Variants in VPS53 observed in about 807,000 individuals in gnomAD.
VPS53 encodes the protein vacuolar protein sorting-associated protein 53 homolog.
Under a neutral mutation model 107.0 loss-of-function variants are expected in VPS53, and 70 were observed. The observed-to-expected ratio is 0.65, with a 90% confidence interval of 0.54 to 0.80. The LOEUF (loss-of-function observed/expected upper bound fraction) is 0.80, where lower values mean the gene tolerates loss of function less well. VPS53 is among the 30% of genes least tolerant of loss of function. VPS53 has a pLI of 0.00. For synonymous variants in VPS53, 409 were observed against 393.3 expected (o/e 1.04, Z -0.47); for missense variants, 917 against 1,049.4 (o/e 0.87, Z 1.74).
At chr17:636,259 C>T (rs926317507) in intron 7 of VPS53, among the ~76,000 whole-genome samples, 6 of 152,136 alleles carry the variant, frequency 3.9e-5, no homozygotes, top group African/African-American at 1.4e-4. Flanking sequence ...TTTTTGCACA[C>T]TGATTTTGTC....
chr17:655,188 T>C (rs780058894), intron 6 of VPS53, among the ~76,000 whole-genome samples: 1 of 151,916 alleles, frequency 6.6e-6, no homozygotes, highest in Middle Eastern at 3.4e-3. Context: ...TGAGCTGGAG[T>C]GTCAGAATCT....
chr17:600,619 T>A (rs1968285064), intron 12 of VPS53, among the ~76,000 whole-genome samples: 1 of 152,238 alleles, frequency 6.6e-6, no homozygotes, highest in Admixed American at 6.5e-5. Flanking sequence ...ATTCCTGAGA[T>A]TCAGTTCTAT....
intron 8 of VPS53, among the ~76,000 whole-genome samples, chr17:629,500 G>A (rs1413115247): frequency 7.2e-5 from 11 of 152,156 alleles, no homozygotes; most frequent in Admixed American, 6.6e-4. Context: ...GCTCACGCCT[G>A]TAATCCCAGC....
rs768997239 is a variant in VPS53, at chr17:586,267, CACTT to C, written c.1312_1313+2del. The C allele has an allele frequency of 3.0e-5, 48 of 1,613,446 alleles. No homozygotes were observed. Among genetic ancestry groups the C allele is most frequent in the South Asian group, 1.5e-4 (14 of 91,068 alleles). ...CAGAAAACAGCGAATGTTCCTCACT[CACTT>C]GTCTTGGGATTCGATATACACGTAG... On this transcript the variant is annotated splice_donor_variant and coding_sequence_variant, in exon 13 of 22. Transcript: ENST00000437048. LOFTEE classifies it high-confidence loss of function.
chr17:603,760 C>G (rs1393641035), intron 11 of VPS53, among the ~76,000 whole-genome samples: 1 of 152,152 alleles, frequency 6.6e-6, no homozygotes, highest in African/African-American at 2.4e-5. Flanking sequence ...TAAAAATGTA[C>G]AGCTCTTGTT....
chr17:515,863 C>T lies in VPS53; in HGVS notation c.*3265G>A, dbSNP rs905731525. 1.3e-4 allele frequency: 19 copies of T among 151,284 alleles called. No individual in the cohort carries two copies. The highest frequency in any genetic ancestry group is 2.1e-4 in the Non-Finnish European group (14 of 67,872). The allele number at this position is 151,284 out of a possible 1,614,324, so 9.4% of individuals were successfully genotyped here. On this transcript the variant is annotated 3_prime_UTR_variant, in exon 22 of 22. Transcript: ENST00000437048. ...AGGCTGGAGTGCAGTGGCGGGACCT[C>T]GGCTCACTGCAACCTCCGCCTCCCG...
rs920339231 is a variant in VPS53, at chr17:521,571, T to C, written c.2223+30A>G. On this transcript the variant is annotated intron_variant, in intron 20 of 21. Transcript: ENST00000437048. ...TTCTCAGAAAAAGAGATTAAATAAATAACTGGCCCCTTTTAACACAAGCCA... is the reference window on the plus strand; with the variant it reads ...TTCTCAGAAAAAGAGATTAAATAAACAACTGGCCCCTTTTAACACAAGCCA... The C allele has an allele frequency of 6.6e-6, 10 of 1,507,998 alleles. No homozygotes were observed. The East Asian group carries it at 2.3e-4, about 34-fold the overall frequency. 93.4% of individuals were successfully genotyped at this position (1,507,998 alleles called of 1,614,324 possible). A position where few individuals can be genotyped will look rare whatever the true frequency, so the allele number is the denominator to read the frequency against.
At chr17:532,781 A>C (rs770771626) in intron 19 of VPS53, 61 bp downstream of exon 19, 9 of 1,601,840 alleles carry the variant, frequency 5.6e-6, no homozygotes, top group East Asian at 2.2e-5. Context: ...GACTAGAAGA[A>C]TATGTGCTTG....
chr17:671,903 G>A (rs12150419), intron 4 of VPS53, among the ~76,000 whole-genome samples: 8,930 of 151,962 alleles, frequency 0.059, 528 homozygotes, highest in East Asian at 0.3. Context: ...TGGCCAGGAC[G>A]GTCTCCATCT....
intron 13 of VPS53, among the ~76,000 whole-genome samples, chr17:584,554 C>T (rs935030685): frequency 2.0e-5 from 3 of 152,086 alleles, no homozygotes; most frequent in East Asian, 3.9e-4. Flanking sequence ...TCTTTTGAGA[C>T]GAAGTCTCTG....
Position 562,643 on chromosome 17 carries a change from G to C in VPS53, c.1416C>G (p.Ala472=), listed in dbSNP as rs148959558. The C allele has an allele frequency of 6.2e-7, 1 of 1,613,944 alleles. No individual in the cohort carries two copies. Among genetic ancestry groups the C allele is most frequent in the South Asian group, 1.1e-5 (1 of 91,066 alleles). The part of the protein sequence containing the change: ...DEGGAVLPSC[A]DLFVYYKKCM... ...ACTTCTTGTAGTAGACAAAGAGGTC[G>C]GCGCAGCTGGGGAGCACGGCACCCC... Residue 472 remains alanine, a synonymous_variant, in exon 14 of 22, where the codon GCC becomes GCG. Transcript: ENST00000437048.
intron 11 of VPS53, among the ~76,000 whole-genome samples, chr17:622,422 T>G (rs957164437): frequency 1.3e-5 from 2 of 151,860 alleles, no homozygotes; most frequent in African/African-American, 4.8e-5. Context: ...CTAAAGAAAA[T>G]TCAAAGGTAT....
In VPS53 at chr17:588,249, T is replaced by C. The variant is rs1227456181; in HGVS notation, c.1219-1885A>G. Among the ~76,000 whole-genome samples, 3 of 152,078 alleles carry C rather than the reference T, an allele frequency of 2.0e-5. No homozygotes were observed. The East Asian group carries it at 5.8e-4, about 29-fold the overall frequency. ...AGAAAAATTGCTTGAACCCAGGAGGTGGAGATGGCAGTGAGCCGAGATTGC... is the reference window on the plus strand; with the variant it reads ...AGAAAAATTGCTTGAACCCAGGAGGCGGAGATGGCAGTGAGCCGAGATTGC... On this transcript the variant is annotated intron_variant, in intron 12 of 21. Transcript: ENST00000437048.
At position 573,793 on chromosome 17, in the gene VPS53, C is replaced by A. The variant is rs1356083764; in HGVS notation, c.1314-11048G>T. On this transcript the variant is annotated intron_variant, in intron 13 of 21. Transcript: ENST00000437048. Reference sequence around the variant, plus strand: ...TGGGATCAGGCCCACGCTCTTTCCACCACACTGTGTTGCGTCTCTGTCATC... The same window carrying A: ...TGGGATCAGGCCCACGCTCTTTCCAACACACTGTGTTGCGTCTCTGTCATC... Among the ~76,000 whole-genome samples, 3 of 152,192 alleles carry A rather than the reference C, an allele frequency of 2.0e-5. 1 individual carries two copies. The highest frequency in any genetic ancestry group is 2.0e-4 in the Admixed American group (3 of 15,276).
intron 13 of VPS53, among the ~76,000 whole-genome samples, chr17:566,995 T>C (rs1369259755): frequency 6.6e-6 from 1 of 152,110 alleles, no homozygotes; most frequent in African/African-American, 2.4e-5. Flanking sequence ...ATCGCCCGCC[T>C]CAGCCTCCCA....
At chr17:629,745 G>A (rs929405047) in intron 8 of VPS53, among the ~76,000 whole-genome samples, 2 of 149,650 alleles carry the variant, frequency 1.3e-5, no homozygotes, top group Non-Finnish European at 1.5e-5. Flanking sequence ...CCTGGGCAAC[G>A]GAGCAAGACT....
At chr17:617,412 C>T (rs1969192005) in intron 11 of VPS53, among the ~76,000 whole-genome samples, 1 of 152,218 alleles carries the variant, frequency 6.6e-6, no homozygotes, top group Non-Finnish European at 1.5e-5. Flanking sequence ...CTTTCCTTTT[C>T]TGTTTTTTTG....
At chr17:628,885 G>A (rs905270196) in intron 8 of VPS53, among the ~76,000 whole-genome samples, 4 of 152,308 alleles carry the variant, frequency 2.6e-5, no homozygotes, top group Admixed American at 1.3e-4. Flanking sequence ...GCATCACGAC[G>A]GGAAGGTCTT....
At chr17:568,904 G>A (rs890302185) in intron 13 of VPS53, among the ~76,000 whole-genome samples, 8 of 152,108 alleles carry the variant, frequency 5.3e-5, no homozygotes, top group Non-Finnish European at 8.8e-5. Flanking sequence ...GTAGAAGCAG[G>A]TGCACACACA....
Sources: allele counts gnomAD v4.1 joint callset (sites outside exome capture counted in the v4.1 genomes callset), GRCh38; gene constraint gnomAD v4.1.1; transcripts MANE v1.5; gene names NCBI Gene and HGNC (gene_info 2026-07-23, HGNC 2026-07-21).